The following UBE2E2 variants were observed in gnomAD, a reference collection of about 807,000 sequenced individuals.
UBE2E2 encodes the protein ubiquitin conjugating enzyme E2 E2.
Under a neutral mutation model 24.7 loss-of-function variants are expected in UBE2E2, and 6 were observed. That is an observed-to-expected ratio of 0.24 (90% CI 0.13 to 0.48). The LOEUF (loss-of-function observed/expected upper bound fraction) is 0.48. Ranked by LOEUF, UBE2E2 falls within the 20% of genes least tolerant of loss-of-function variation. The pLI is 0.99. For synonymous variants in UBE2E2, 104 were observed against 83.6 expected (o/e 1.24, Z -1.33); for missense variants, 169 against 245.0 (o/e 0.69, Z 2.07).
At chr3:23,231,036 G>C (rs1249389727) in intron 3 of UBE2E2, among the ~76,000 whole-genome samples, 1 of 152,140 alleles carries the variant, frequency 6.6e-6, no homozygotes, top group Non-Finnish European at 1.5e-5. Context: ...TACATAATGA[G>C]AGCTCTACCT....
intron 1 of UBE2E2, among the ~76,000 whole-genome samples, chr3:23,208,404 C>T (rs1449890749): frequency 6.6e-6 from 1 of 152,088 alleles, no homozygotes; most frequent in Admixed American, 6.6e-5. Flanking sequence ...TTTGTTCATC[C>T]ATTCATTTGT....
intron 3 of UBE2E2, among the ~76,000 whole-genome samples, chr3:23,466,961 G>T (rs1698932651): frequency 6.6e-6 from 1 of 152,156 alleles, no homozygotes; most frequent in Non-Finnish European, 1.5e-5. Context: ...AATTTACTGT[G>T]ATGAGTTTGC....
At chr3:23,439,143 G>A (rs1698242800) in intron 3 of UBE2E2, among the ~76,000 whole-genome samples, 1 of 152,194 alleles carries the variant, frequency 6.6e-6, no homozygotes, top group East Asian at 1.9e-4. Flanking sequence ...TCAATTTCTT[G>A]ACATTGAATT....
At chr3:23,400,109 C>T (rs537819315) in intron 3 of UBE2E2, among the ~76,000 whole-genome samples, 1 of 152,230 alleles carries the variant, frequency 6.6e-6, no homozygotes, top group East Asian at 1.9e-4. Context: ...AAAAAAATTG[C>T]TGCAGATAAA....
chr3:23,242,739 TAAAC>T (rs772367180), intron 3 of UBE2E2, among the ~76,000 whole-genome samples: 2 of 152,124 alleles, frequency 1.3e-5, no homozygotes, highest in Admixed American at 1.3e-4. Flanking sequence ...ATTGGGTAAA[TAAAC>T]AGTTAAAATC....
chr3:23,348,404 C>T (rs1243503929), intron 3 of UBE2E2, among the ~76,000 whole-genome samples: 1 of 150,220 alleles, frequency 6.7e-6, no homozygotes, highest in South Asian at 2.1e-4. Flanking sequence ...AGGGTTACCA[C>T]CTAGAACAGG....
At chr3:23,359,883 T>C (rs1195264355) in intron 3 of UBE2E2, among the ~76,000 whole-genome samples, 1 of 152,152 alleles carries the variant, frequency 6.6e-6, no homozygotes, top group Admixed American at 6.5e-5. Flanking sequence ...GAACTAGCTT[T>C]CTAAACTCTG....
intron 3 of UBE2E2, among the ~76,000 whole-genome samples, chr3:23,450,174 A>T (rs1162191549): frequency 6.6e-6 from 1 of 152,200 alleles, no homozygotes; most frequent in Non-Finnish European, 1.5e-5. Context: ...ATTTGTTTGG[A>T]TAAAGAGGTT....
At chr3:23,339,735 C>G (rs1371810220) in intron 3 of UBE2E2, among the ~76,000 whole-genome samples, 1 of 151,778 alleles carries the variant, frequency 6.6e-6, no homozygotes, top group Non-Finnish European at 1.5e-5. Context: ...TTCCCATTCT[C>G]TTAAACATTG....
chr3:23,485,606 G>C (rs1256724186), intron 3 of UBE2E2, among the ~76,000 whole-genome samples: 1 of 152,160 alleles, frequency 6.6e-6, no homozygotes, highest in Non-Finnish European at 1.5e-5. Flanking sequence ...ATGGAGGTGA[G>C]AGGATTAATT....
At chr3:23,440,553 T>G (rs1323491959) in intron 3 of UBE2E2, among the ~76,000 whole-genome samples, 1 of 152,170 alleles carries the variant, frequency 6.6e-6, no homozygotes, top group African/African-American at 2.4e-5. Flanking sequence ...AAGAGAAAAT[T>G]GTATTTCTCG....
chr3:23,339,518 C>T (rs1186073769), intron 3 of UBE2E2, among the ~76,000 whole-genome samples: 1 of 151,910 alleles, frequency 6.6e-6, no homozygotes, highest in Non-Finnish European at 1.5e-5. Flanking sequence ...TTGTGTAATG[C>T]TTTGTAAAGT....
chr3:23,576,196 C>T (rs57859482), intron 5 of UBE2E2, among the ~76,000 whole-genome samples: 20,709 of 151,988 alleles, frequency 0.14, 1,485 homozygotes, highest in Middle Eastern at 0.2. Context: ...TAAAACTAGG[C>T]TAGACCAAAC....
At chr3:23,291,079 A>AC (rs1358036573) in intron 3 of UBE2E2, among the ~76,000 whole-genome samples, 2 of 146,934 alleles carry the variant, frequency 1.4e-5, no homozygotes, top group African/African-American at 5.0e-5. Context: ...TAAAAAAAAA[A>AC]AACAAAAAAC....
intron 3 of UBE2E2, chr3:23,449,738 TATCTC>T (rs1698516086): frequency 8.5e-6 from 4 of 469,958 alleles, no homozygotes; most frequent in Non-Finnish European, 1.1e-5. Flanking sequence ...TCTAAAAACT[TATCTC>T]ATATAATTCT....
intron 3 of UBE2E2, among the ~76,000 whole-genome samples, chr3:23,309,803 G>A (rs1022258245): frequency 6.6e-6 from 1 of 152,070 alleles, no homozygotes; most frequent in Admixed American, 6.6e-5. Flanking sequence ...GGTTGATGCT[G>A]GTTTTTGGCA....
At chr3:23,511,959 T>A (rs1694603562) in intron 4 of UBE2E2, among the ~76,000 whole-genome samples, 5 of 152,186 alleles carry the variant, frequency 3.3e-5, no homozygotes, top group Admixed American at 2.6e-4. Flanking sequence ...TGACTTTTTT[T>A]AAGCTCCTCT....
chr3:23,264,500 A>C (rs1286125022), intron 3 of UBE2E2, among the ~76,000 whole-genome samples: 2 of 152,172 alleles, frequency 1.3e-5, no homozygotes, highest in African/African-American at 4.8e-5. Context: ...GATTTCTTCA[A>C]CATCATTCCT....
chr3:23,295,573 A>G (rs77007362), intron 3 of UBE2E2, among the ~76,000 whole-genome samples: 6,621 of 152,264 alleles, frequency 0.043, 503 homozygotes, highest in African/African-American at 0.15. Flanking sequence ...TAGTGAGCCA[A>G]GAGAAGTATG....
Sources: gnomAD v4.1 joint callset for allele counts (sites outside exome capture counted in the v4.1 genomes callset) on GRCh38, gnomAD v4.1.1 for gene constraint, MANE v1.5 for transcripts, NCBI Gene and HGNC (gene_info 2026-07-23, HGNC 2026-07-21) for gene names.